NRBF2: variants seen among roughly 807,000 people sequenced by gnomAD.
The protein encoded by NRBF2 is nuclear receptor-binding factor 2.
Under a neutral mutation model 28.5 loss-of-function variants are expected in NRBF2, and 12 were observed. That is an observed-to-expected ratio of 0.42 (90% confidence interval 0.27 to 0.68). The LOEUF (loss-of-function observed/expected upper bound fraction) is 0.68. Ranked by LOEUF, NRBF2 falls within the 30% of genes least tolerant of loss-of-function variation. NRBF2 has a pLI of 0.24. For synonymous variants in NRBF2, 102 were observed against 116.5 expected, an observed-to-expected ratio of 0.88 and a Z score of 0.80; for missense variants, 274 against 333.5, an observed-to-expected ratio of 0.82 and a Z score of 1.39.
intron 1 of NRBF2, among the ~76,000 whole-genome samples, chr10:63,135,663 T>G (rs75524498): frequency 6.6e-6 from 1 of 151,368 alleles, no homozygotes; most frequent in African/African-American, 2.4e-5. Context: ...TTTTTTTTTT[T>G]TTGAGATGGA....
At position 63,153,942 on chromosome 10, in the gene NRBF2, T is replaced by G. The variant is rs372541381; in HGVS notation, c.588T>G (p.Asn196Lys). 3 of 1,611,612 alleles carry G rather than the reference T, an allele frequency of 1.9e-6. No homozygotes were observed. Among genetic ancestry groups the G allele is most frequent in the African/African-American group, 2.7e-5 (2 of 74,738 alleles). Residue 196 changes from asparagine to lysine, a missense_variant, in exon 4 of 4, where the codon AAT becomes AAG. Physicochemically the swap from Asn to Lys is moderately conservative, Grantham distance 94. Coordinates refer to ENST00000277746, the MANE Select transcript of NRBF2 (RefSeq NM_030759.5). ...AGAATGAAAGATTAAGGAAAGAAAA[T>G]AAACAACTAAAGGCTGAAAAGGCCA... ...VAENERLRKE[N>K]KQLKAEKARL...
intron 1 of NRBF2, 120 bp downstream of exon 1, chr10:63,133,620 CAG>C: frequency 2.6e-6 from 2 of 778,970 alleles, no homozygotes; most frequent in Non-Finnish European, 4.4e-6. Context: ...GGAGTGGTCG[CAG>C]AGGCTGTGAG....
intron 2 of NRBF2, among the ~76,000 whole-genome samples, chr10:63,147,478 C>A (rs12240740): frequency 0.67 from 100,919 of 151,682 alleles, 36,118 homozygotes; most frequent in Non-Finnish European, 0.81. Flanking sequence ...GTGCCACCAC[C>A]CCCGGCTTGT....
At chr10:63,152,991 C>T (rs893529582) in intron 3 of NRBF2, among the ~76,000 whole-genome samples, 1 of 151,812 alleles carries the variant, frequency 6.6e-6, no homozygotes, top group Non-Finnish European at 1.5e-5. Context: ...GACCCTGTCT[C>T]TAAAATAAAT....
chr10:63,147,781 AAAAG>A (rs1189669068), intron 2 of NRBF2, among the ~76,000 whole-genome samples: 1 of 151,382 alleles, frequency 6.6e-6, no homozygotes, highest in Non-Finnish European at 1.5e-5. Context: ...CTTTTTTTAA[AAAAG>A]AAATAGTTTT....
intron 2 of NRBF2, among the ~76,000 whole-genome samples, chr10:63,147,060 G>A (rs950188924): frequency 2.6e-5 from 4 of 152,086 alleles, no homozygotes; most frequent in African/African-American, 9.7e-5. Flanking sequence ...TTTGGGTAAA[G>A]GATGTTTTAC....
At chr10:63,135,176 G>A (rs1168690975) in intron 1 of NRBF2, among the ~76,000 whole-genome samples, 2 of 152,226 alleles carry the variant, frequency 1.3e-5, no homozygotes, top group East Asian at 3.9e-4. Flanking sequence ...GACAGAGCGA[G>A]ACTCTGACTC....
In NRBF2 at chr10:63,153,996, G is replaced by A. The variant is rs1177084414; in HGVS notation, c.642G>A (p.Glu214=). The A allele has an allele frequency of 1.2e-6, 2 of 1,611,764 alleles. No homozygotes were observed. The highest frequency in any genetic ancestry group is 2.7e-5 in the African/African-American group (2 of 74,808). The change falls in exon 4 of 4, where the codon GAG becomes GAA. Residue 214 remains glutamate, a synonymous_variant. Transcript: ENST00000277746. ...TTCTAAAAGGTCCAATAGAAAAGGA[G>A]CTGGATGTAGATGCTGATTTTGTAG... ...ARLLKGPIEK[E]LDVDADFVET...
intron 1 of NRBF2, among the ~76,000 whole-genome samples, chr10:63,135,783 A>G (rs1352822967): frequency 6.6e-6 from 1 of 151,006 alleles, no homozygotes; most frequent in Non-Finnish European, 1.5e-5. Context: ...AGTAGCTGGG[A>G]TTTCAGGCAC....
At position 63,133,412 on chromosome 10, in the gene NRBF2, C is replaced by G. The variant is rs766309639; in HGVS notation, c.-59C>G. On this transcript the variant is annotated 5_prime_UTR_variant, in exon 1 of 4. Coordinates refer to ENST00000277746, the MANE Select transcript of NRBF2 (RefSeq NM_030759.5). Reference sequence around the variant, plus strand: ...CTGCGTCGAGCTCCCTTGCAGTCCCCTCCATGTTCCCCGGCGCCACTACTC... The same window carrying G: ...CTGCGTCGAGCTCCCTTGCAGTCCCGTCCATGTTCCCCGGCGCCACTACTC... The G allele has an allele frequency of 6.2e-6, 10 of 1,606,024 alleles. No homozygotes were observed. In the African/African-American group the frequency reaches 1.2e-4, roughly 19 times the overall value.
intron 2 of NRBF2, among the ~76,000 whole-genome samples, chr10:63,147,209 C>T (rs1469047153): frequency 2.6e-5 from 4 of 151,996 alleles, no homozygotes; most frequent in South Asian, 2.1e-4. Context: ...GCTGCCCCTC[C>T]CTTGTTATTT....
chr10:63,148,096 T>A (rs1841592333), intron 2 of NRBF2, among the ~76,000 whole-genome samples: 1 of 152,204 alleles, frequency 6.6e-6, no homozygotes, highest in Non-Finnish European at 1.5e-5. Flanking sequence ...TAACATATGT[T>A]AAGTGGAGTG....
intron 1 of NRBF2, among the ~76,000 whole-genome samples, chr10:63,140,767 C>A (rs887955370): frequency 6.6e-6 from 1 of 151,514 alleles, no homozygotes; most frequent in Non-Finnish European, 1.5e-5. Context: ...GTGGCGCAAT[C>A]TCGGCTCACC....
chr10:63,150,172 G>C (rs1432449913), intron 2 of NRBF2: 2 of 151,186 alleles, frequency 1.3e-5, no homozygotes, highest in Non-Finnish European at 2.9e-5. Flanking sequence ...GGCTGGTCTC[G>C]AACTCCCGAC....
chr10:63,152,277 C>A, intron 3 of NRBF2, 87 bp downstream of exon 3: 1 of 995,898 alleles, frequency 1.0e-6, no homozygotes. Flanking sequence ...AGCATTGTGT[C>A]CCTCTCAAAA....
At position 63,153,896 on chromosome 10, in the gene NRBF2, A is replaced by G. The variant is rs1208659772; in HGVS notation, c.542A>G (p.His181Arg). ...QATKIADLKR[H>R]VEFLVAENER... ...ACCAAAATTGCAGATTTGAAGAGGCATGTGGAATTCCTTGTGGCTGAGAAT... is the reference window on the plus strand; with the variant it reads ...ACCAAAATTGCAGATTTGAAGAGGCGTGTGGAATTCCTTGTGGCTGAGAAT... Residue 181 changes from histidine (H) to arginine (R), a missense_variant, in exon 4 of 4, where the codon CAT becomes CGT. Coordinates refer to ENST00000277746, the MANE Select transcript of NRBF2 (RefSeq NM_030759.5). 1 of 1,612,060 alleles carries G rather than the reference A, an allele frequency of 6.2e-7. No homozygotes were observed. The highest frequency in any genetic ancestry group is 8.5e-7 in the Non-Finnish European group (1 of 1,179,792).
In NRBF2 at chr10:63,138,440, C is replaced by T. The variant is rs141317858; in HGVS notation, c.30+4940C>T. 1.2e-3 allele frequency among the ~76,000 whole-genome samples: 177 copies of T among 151,580 alleles called. 3 individuals are homozygous for T. In the South Asian group the frequency reaches 0.013, roughly 11 times the overall value. ...TGAAGATAGTGGTAAGCCAAGCTCA[C>T]GCCACTGCACTGCAGCCTGAGCGAC... On this transcript the variant is annotated intron_variant, in intron 1 of 3. Coordinates refer to ENST00000277746, the MANE Select transcript of NRBF2 (RefSeq NM_030759.5).
chr10:63,135,024 C>G (rs1019991070), intron 1 of NRBF2, among the ~76,000 whole-genome samples: 8 of 152,126 alleles, frequency 5.3e-5, no homozygotes, highest in African/African-American at 1.9e-4. Flanking sequence ...CCGGTCTCTA[C>G]AAAAAATACA....
chr10:63,133,583 C>A, intron 1 of NRBF2, 83 bp downstream of exon 1: 1 of 1,066,038 alleles, frequency 9.4e-7, no homozygotes, highest in Non-Finnish European at 1.4e-6. Flanking sequence ...GTCGGCTAAC[C>A]CTTTAGGCTG....
Sources: allele counts gnomAD v4.1 joint callset (sites outside exome capture counted in the v4.1 genomes callset), GRCh38; gene constraint gnomAD v4.1.1; transcripts MANE v1.5; gene names NCBI Gene and HGNC (gene_info 2026-07-23, HGNC 2026-07-21).